NAA25: variants seen among roughly 807,000 people sequenced by gnomAD.
NAA25 encodes N-alpha-acetyltransferase 25, NatB auxiliary subunit.
A neutral mutation model predicts 132.5 loss-of-function variants in NAA25; 30 were observed. The ratio of observed to expected loss-of-function variants is 0.23; its 90% CI spans 0.17 to 0.31. The LOEUF (loss-of-function observed/expected upper bound fraction) is 0.31, where lower values mean the gene tolerates loss of function less well. Ranked by LOEUF, NAA25 falls within the 10% of genes least tolerant of loss-of-function variation. NAA25 has a pLI of 1.00. For synonymous variants in NAA25, 359 were observed against 401.9 expected (o/e 0.89, Z 1.28); for missense variants, 771 against 1,150.4 (o/e 0.67, Z 4.77).
chr12:112,078,549 A>G, intron 6 of NAA25, 85 bp downstream of exon 6: 4 of 1,265,066 alleles, frequency 3.2e-6, no homozygotes, highest in Non-Finnish European at 4.5e-6. Flanking sequence ...AAACTGGAAC[A>G]AAACAACAGT....
In NAA25 at chr12:112,033,309, T is replaced by C. The variant is rs746932188; in HGVS notation, c.2720A>G (p.His907Arg). Residue 907 changes from histidine to arginine, a missense_variant, in exon 23 of 24, where the codon CAT (histidine) becomes CGT (arginine). By Grantham distance (29) the His-to-Arg change is conservative. Coordinates refer to ENST00000261745, the MANE Select transcript of NAA25 (RefSeq NM_024953.4). ...TAGATGTGTTTCAAGCCCTTTAATA[T>C]GATCCACAACATTGGAAATTAAAGT... ...LQTLISNVVDHIKGLETHLIA... is the reference protein window; with the variant it reads ...LQTLISNVVDRIKGLETHLIA... 1.2e-6 allele frequency: 2 copies of C among 1,613,682 alleles called. No individual in the cohort carries two copies. Among genetic ancestry groups the C allele is most frequent in the Non-Finnish European group, 1.7e-6 (2 of 1,179,864 alleles).
intron 2 of NAA25, among the ~76,000 whole-genome samples, chr12:112,091,764 A>G (rs1287858178): frequency 2.0e-5 from 3 of 152,098 alleles, no homozygotes; most frequent in Non-Finnish European, 4.4e-5. Context: ...CAGGAGGCTG[A>G]GATGAGAGGA....
At chr12:112,083,085 C>G (rs2136912449) in intron 4 of NAA25, among the ~76,000 whole-genome samples, 1 of 152,186 alleles carries the variant, frequency 6.6e-6, no homozygotes, top group East Asian at 1.9e-4. Flanking sequence ...GGAACAGTAT[C>G]TCAGCAGTAC....
chr12:112,045,079 T>C lies in NAA25; in HGVS notation c.2007-1211A>G, dbSNP rs186531728. 4.3e-4 allele frequency among the ~76,000 whole-genome samples: 65 copies of C among 151,678 alleles called. 1 individual carries two copies. Among genetic ancestry groups the C allele is most frequent in the Non-Finnish European group, 7.4e-4 (50 of 67,868 alleles). ...TAATACACAACATAAAAAATGCAAA[T>C]GATAGAAAAATGTAAAACGTAGAAA... On this transcript the variant is annotated intron_variant, in intron 17 of 23. Coordinates refer to ENST00000261745, the MANE Select transcript of NAA25 (RefSeq NM_024953.4).
intron 1 of NAA25, among the ~76,000 whole-genome samples, chr12:112,103,945 C>T (rs1302300853): frequency 6.6e-6 from 1 of 152,136 alleles, no homozygotes; most frequent in Non-Finnish European, 1.5e-5. Context: ...CAGTAATGCT[C>T]TCCCCCACAA....
chr12:112,080,997 G>T, intron 5 of NAA25, 63 bp downstream of exon 5: 1 of 1,364,880 alleles, frequency 7.3e-7, no homozygotes, highest in East Asian at 2.3e-5. Context: ...AAGACACACT[G>T]AGGACAATAA....
chr12:112,041,904 A>C (rs772393496), intron 20 of NAA25, 135 bp downstream of exon 20: 52 of 554,774 alleles, frequency 9.4e-5, no homozygotes, highest in Admixed American at 2.5e-4. Context: ...GGTGGCATCT[A>C]GGAGTATTGA....
intron 18 of NAA25, 79 bp from the exon 19 acceptor site, chr12:112,043,290 G>A: frequency 7.0e-7 from 1 of 1,431,482 alleles, no homozygotes; most frequent in Non-Finnish European, 9.4e-7. Flanking sequence ...GTAACTAGTA[G>A]ATAAAAACCT....
At chr12:112,093,700 T>C (rs766106364) in intron 1 of NAA25, among the ~76,000 whole-genome samples, 4 of 152,110 alleles carry the variant, frequency 2.6e-5, no homozygotes, top group Non-Finnish European at 5.9e-5. Flanking sequence ...GACAACTTAG[T>C]GAGACCCTGT....
Position 112,061,365 on chromosome 12 carries a change from A to G in NAA25, c.1173T>C (p.Val391=), listed in dbSNP as rs1188418234. 1 of 1,614,100 alleles carries G rather than the reference A, an allele frequency of 6.2e-7. No homozygotes were observed. Among genetic ancestry groups the G allele is most frequent in the Non-Finnish European group, 8.5e-7 (1 of 1,179,946 alleles). The change falls in exon 12 of 24, where the codon GTT becomes GTC. Residue 391 remains valine (V), a synonymous_variant. Coordinates refer to ENST00000261745, the MANE Select transcript of NAA25 (RefSeq NM_024953.4). ...CTKFINQLLG[V]VPLSTPTEDK... is the part of the protein sequence containing the mutation. Reference sequence around the variant, plus strand: ...CCTCTGTTGGTGTCGACAAAGGAACAACTCCAAGTAACTGATTAATAAACT... The same window carrying G: ...CCTCTGTTGGTGTCGACAAAGGAACGACTCCAAGTAACTGATTAATAAACT...
At chr12:112,056,627 A>T (rs2078550624) in intron 13 of NAA25, among the ~76,000 whole-genome samples, 1 of 152,164 alleles carries the variant, frequency 6.6e-6, no homozygotes, top group Non-Finnish European at 1.5e-5. Flanking sequence ...AATTTAAATC[A>T]ATCTCTTTAA....
chr12:112,072,453 T>TA (rs2078825312), intron 9 of NAA25, among the ~76,000 whole-genome samples: 1 of 150,788 alleles, frequency 6.6e-6, no homozygotes, highest in African/African-American at 2.4e-5. Context: ...ACTAAAAGTA[T>TA]AAAAAACTAG....
At chr12:112,102,274 G>A (rs535196209) in intron 1 of NAA25, among the ~76,000 whole-genome samples, 3 of 152,234 alleles carry the variant, frequency 2.0e-5, no homozygotes, top group Admixed American at 1.3e-4. Flanking sequence ...TCCAGAGGCT[G>A]AGGCGGGAGG....
chr12:112,048,184 TCCCC>T, intron 16 of NAA25, 104 bp downstream of exon 16: 1 of 1,060,624 alleles, frequency 9.4e-7, no homozygotes, highest in Admixed American at 2.6e-5. Context: ...CTCCCTTTTT[TCCCC>T]CTATTTTACC....
In NAA25 at chr12:112,029,617, C is replaced by A. The variant is rs1236388632; in HGVS notation, c.2833G>T (p.Val945Leu). The change falls in exon 24 of 24, where the codon GTG becomes TTG. Residue 945 changes from valine to leucine, a missense_variant. Around this residue, in one of 3 missense-constraint regions of NAA25, gnomAD observed 324 missense variants for 400.0 expected, o/e 0.81. Coordinates refer to ENST00000261745, the MANE Select transcript of NAA25 (RefSeq NM_024953.4). ...RKFSKTVQGK[V>L]QSSYLHSLLE... is the part of the protein sequence containing the mutation. ...AGTGAGTGCAGATAACTGCTCTGCA[C>A]CTTCCCTTGCACAGTCTTTGAAAAT... 2 of 1,613,862 alleles carry A rather than the reference C, an allele frequency of 1.2e-6. No homozygotes were observed. Among genetic ancestry groups the A allele is most frequent in the African/African-American group, 1.3e-5 (1 of 74,992 alleles).
chr12:112,084,838 T>A (rs2079021491), intron 4 of NAA25, among the ~76,000 whole-genome samples: 1 of 151,986 alleles, frequency 6.6e-6, no homozygotes, highest in Admixed American at 6.6e-5. Flanking sequence ...GGCTCACGCC[T>A]GTAATCCCAA....
intron 16 of NAA25, 48 bp from the exon 17 acceptor site, chr12:112,047,838 G>T: frequency 6.5e-7 from 1 of 1,532,896 alleles, no homozygotes; most frequent in South Asian, 1.2e-5. Context: ...AAAATAGCCA[G>T]AAAATATTAT....
chr12:112,098,119 CAAAAAAAA>C (rs60232542), intron 1 of NAA25, among the ~76,000 whole-genome samples: 2 of 54,164 alleles, frequency 3.7e-5, no homozygotes, highest in African/African-American at 6.0e-5. Flanking sequence ...GACTCCATCT[CAAAAAAAA>C]AAAAAAAAAA....
At chr12:112,055,463 G>A (rs2078531302) in intron 13 of NAA25, among the ~76,000 whole-genome samples, 1 of 152,166 alleles carries the variant, frequency 6.6e-6, no homozygotes, top group African/African-American at 2.4e-5. Context: ...GGGAAGCTGA[G>A]GTGGGAGGAT....
Sources: allele counts gnomAD v4.1 joint callset (sites outside exome capture counted in the v4.1 genomes callset), GRCh38; gene constraint gnomAD v4.1.1; regional missense constraint gnomAD v4.1.1; transcripts MANE v1.5; gene names NCBI Gene and HGNC (gene_info 2026-07-23, HGNC 2026-07-21).